The following CCDC60 variants were observed in gnomAD, a reference collection of about 807,000 sequenced individuals.
The protein encoded by CCDC60 is coiled-coil domain-containing protein 60.
CCDC60 carries 54 observed loss-of-function variants against 63.5 expected under a neutral mutation model. The ratio of observed to expected loss-of-function variants is 0.85; its 90% confidence interval spans 0.68 to 1.07. The LOEUF (loss-of-function observed/expected upper bound fraction) is 1.07, where lower values mean the gene tolerates loss of function less well. Ranked by LOEUF, CCDC60 falls within the 50% of genes least tolerant of loss-of-function variation. The pLI is 0.00. For synonymous variants in CCDC60, 206 were observed against 238.8 expected (o/e 0.86, Z 1.27); for missense variants, 651 against 684.3 (o/e 0.95, Z 0.54).
intron 1 of CCDC60, among the ~76,000 whole-genome samples, chr12:119,405,476 G>A (rs1956470182): frequency 6.6e-6 from 1 of 152,138 alleles, no homozygotes; most frequent in South Asian, 2.1e-4. Flanking sequence ...ACAAAGTCGG[G>A]CTCTGTATTT....
At chr12:119,459,191 T>C (rs1032816927) in intron 2 of CCDC60, among the ~76,000 whole-genome samples, 2 of 152,114 alleles carry the variant, frequency 1.3e-5, no homozygotes, top group African/African-American at 4.8e-5. Context: ...TTCCTTTCAA[T>C]AGTGGGGAAA....
chr12:119,418,386 C>CTTTTTTTTTTTTTTTTTTTTTT (rs556783132), intron 1 of CCDC60, among the ~76,000 whole-genome samples: 2 of 65,752 alleles, frequency 3.0e-5, no homozygotes, highest in Non-Finnish European at 2.7e-5. Context: ...TTCTTTCTTT[C>CTTTTTTTTTTTTTTTTTTTTTT]TTTTTTTTTT....
At chr12:119,359,259 C>T (rs547740600) in intron 1 of CCDC60, among the ~76,000 whole-genome samples, 1 of 152,204 alleles carries the variant, frequency 6.6e-6, no homozygotes, top group East Asian at 1.9e-4. Flanking sequence ...CATGAAATGC[C>T]AGTTCAAGTC....
chr12:119,524,721 C>CTTTTTTTTTTTTTTTTTTTTT lies in CCDC60; in HGVS notation c.1229+922_1229+923insTTTTTTTTTTTTTTTTTTTTT, dbSNP rs55694840. On this transcript the variant is annotated intron_variant, in intron 11 of 13. Transcript: ENST00000327554. The stretch of plus-strand genomic sequence containing the variant: ...ACAGCAGTTTCTTTTCTTTTCTTTT[C>CTTTTTTTTTTTTTTTTTTTTT]TTTTTTTTTTTTTTTTTTTGAGACA... Among the ~76,000 whole-genome samples, 392 of 98,918 alleles carry CTTTTTTTTTTTTTTTTTTTTT rather than the reference C, an allele frequency of 4.0e-3. 22 individuals carry two copies. Among genetic ancestry groups the CTTTTTTTTTTTTTTTTTTTTT allele is most frequent in the East Asian group, 6.1e-3 (21 of 3,450 alleles). The allele number at this position is 98,918 out of a possible 152,430, so 64.9% of individuals were successfully genotyped here.
intron 1 of CCDC60, among the ~76,000 whole-genome samples, chr12:119,405,382 T>G (rs1218073432): frequency 1.3e-5 from 2 of 152,220 alleles, no homozygotes; most frequent in African/African-American, 4.8e-5. Flanking sequence ...CCGGCTGTAT[T>G]TTCTTTTCCA....
intron 1 of CCDC60, among the ~76,000 whole-genome samples, chr12:119,408,407 C>G (rs933753010): frequency 1.4e-4 from 21 of 152,190 alleles, no homozygotes; most frequent in Non-Finnish European, 2.9e-4. Context: ...CAAGACTCAA[C>G]AGGGAGACGG....
chr12:119,419,473 T>C (rs1956769315), intron 1 of CCDC60, among the ~76,000 whole-genome samples: 1 of 152,202 alleles, frequency 6.6e-6, no homozygotes, highest in African/African-American at 2.4e-5. Flanking sequence ...CTGTCATTGG[T>C]GATGCTAAGC....
At chr12:119,483,068 T>C (rs993422137) in intron 4 of CCDC60, among the ~76,000 whole-genome samples, 11 of 152,100 alleles carry the variant, frequency 7.2e-5, no homozygotes, top group Admixed American at 5.2e-4. Flanking sequence ...TGAACTAGGC[T>C]CAGAATGAAC....
intron 4 of CCDC60, among the ~76,000 whole-genome samples, chr12:119,485,529 A>C (rs989349568): frequency 6.6e-6 from 1 of 151,934 alleles, no homozygotes; most frequent in Non-Finnish European, 1.5e-5. Context: ...GTTTCTCCCA[A>C]CCCTCTCGAG....
chr12:119,465,924 T>G (rs1458024386), intron 2 of CCDC60, among the ~76,000 whole-genome samples: 1 of 152,206 alleles, frequency 6.6e-6, no homozygotes, highest in Admixed American at 6.5e-5. Flanking sequence ...ACAACACCAA[T>G]TTCTAAAACG....
chr12:119,540,999 T>G lies in CCDC60; in HGVS notation c.*284T>G. 1 of 321,882 alleles carries G rather than the reference T, an allele frequency of 3.1e-6. No homozygotes were observed. The allele number at this position is 321,882 out of a possible 1,614,324, so 19.9% of individuals were successfully genotyped here. A position where few individuals can be genotyped will look rare whatever the true frequency, so the allele number is the denominator to read the frequency against. The stretch of plus-strand genomic sequence containing the variant: ...ACTTCCTCTTCAGATTCCTTCACCC[T>G]ATTTACCTTCCTCAAGTACTGGAGA... On this transcript the variant is annotated 3_prime_UTR_variant, in exon 14 of 14. Transcript: ENST00000327554.
chr12:119,350,571 A>C (rs1014372272), intron 1 of CCDC60, among the ~76,000 whole-genome samples: 1 of 152,116 alleles, frequency 6.6e-6, no homozygotes, highest in Non-Finnish European at 1.5e-5. Context: ...GGAAAAGAAA[A>C]TAGGAGACAT....
At chr12:119,444,213 G>T (rs1294521949) in intron 2 of CCDC60, among the ~76,000 whole-genome samples, 2 of 152,234 alleles carry the variant, frequency 1.3e-5, no homozygotes, top group Non-Finnish European at 2.9e-5. Context: ...ATCGTTTTCA[G>T]GATAACGTTA....
At position 119,390,419 on chromosome 12, in the gene CCDC60, A is replaced by G. The variant is rs182957823; in HGVS notation, c.91-38264A>G. Among the ~76,000 whole-genome samples, 66 of 152,298 alleles carry G rather than the reference A, an allele frequency of 4.3e-4. No homozygotes were observed. The East Asian group carries it at 0.012, about 27-fold the overall frequency. On this transcript the variant is annotated intron_variant, in intron 1 of 13. Coordinates refer to ENST00000327554, the MANE Select transcript of CCDC60 (RefSeq NM_178499.5). ...TTGTTTAATGTCTTTCTCTCCCACC[A>G]TTCTATACATCACATCTCTCCTGTT...
intron 3 of CCDC60, 49 bp from the exon 4 acceptor site, chr12:119,479,045 A>G (rs1416990387): frequency 8.9e-6 from 12 of 1,341,214 alleles, no homozygotes; most frequent in Non-Finnish European, 1.3e-5. Flanking sequence ...AAGGTGTTCA[A>G]AGCTACTGCT....
intron 1 of CCDC60, among the ~76,000 whole-genome samples, chr12:119,373,930 C>T (rs1245608688): frequency 6.6e-6 from 1 of 152,040 alleles, no homozygotes; most frequent in African/African-American, 2.4e-5. Context: ...CAATTCCTTT[C>T]TCACTCTCTC....
intron 7 of CCDC60, among the ~76,000 whole-genome samples, chr12:119,508,723 T>G (rs766724925): frequency 2.0e-5 from 3 of 152,168 alleles, no homozygotes; most frequent in Non-Finnish European, 4.4e-5. Flanking sequence ...GACTTCAGAA[T>G]TATTCCAGGT....
intron 7 of CCDC60, among the ~76,000 whole-genome samples, chr12:119,510,964 G>A (rs1318966115): frequency 2.6e-5 from 4 of 152,146 alleles, no homozygotes; most frequent in Admixed American, 2.6e-4. Flanking sequence ...CCCCTTGTAT[G>A]CATAGAAAGA....
chr12:119,520,945 T>C (rs572865746), intron 9 of CCDC60, among the ~76,000 whole-genome samples: 1 of 152,324 alleles, frequency 6.6e-6, no homozygotes, highest in South Asian at 2.1e-4. Context: ...CTCATGGATC[T>C]CTGTGTCTGG....
Sources: allele counts gnomAD v4.1 joint callset (sites outside exome capture counted in the v4.1 genomes callset), GRCh38; gene constraint gnomAD v4.1.1; transcripts MANE v1.5; gene names NCBI Gene and HGNC (gene_info 2026-07-23, HGNC 2026-07-21).